Variants in CCDC138 observed in about 807,000 individuals in gnomAD.
CCDC138 encodes coiled-coil domain-containing protein 138.
In CCDC138, 66 loss-of-function variants were observed where a neutral mutation model predicts 82.3. The ratio of observed to expected loss-of-function variants is 0.80; its 90% CI spans 0.66 to 0.98. The LOEUF is 0.98. CCDC138 is among the 50% of genes least tolerant of loss of function. CCDC138 has a pLI of 0.00. For missense variants in CCDC138, 816 were observed against 758.9 expected (o/e 1.08, Z -0.88); for synonymous variants, 297 against 265.4 (o/e 1.12, Z -1.16).
intron 7 of CCDC138, among the ~76,000 whole-genome samples, chr2:108,806,578 T>C (rs1682910276): frequency 6.6e-6 from 1 of 152,160 alleles, no homozygotes; most frequent in African/African-American, 2.4e-5. Flanking sequence ...GGTCTCTCTT[T>C]CAGTGACCCA....
intron 11 of CCDC138, among the ~76,000 whole-genome samples, chr2:108,839,525 ATGTC>A (rs1689111552): frequency 6.6e-6 from 1 of 152,172 alleles, no homozygotes; most frequent in African/African-American, 2.4e-5. Context: ...TGAACATAAA[ATGTC>A]TGTCCACTTA....
intron 11 of CCDC138, among the ~76,000 whole-genome samples, chr2:108,843,107 A>G (rs1047320580): frequency 6.6e-6 from 1 of 151,604 alleles, no homozygotes; most frequent in African/African-American, 2.4e-5. Context: ...CTCTTTCATT[A>G]TATCCTATCT....
chr2:108,811,247 C>CTTTTTTTTTTTTTTTTTTTTTTTTT (rs55661786), intron 7 of CCDC138, among the ~76,000 whole-genome samples: 7 of 113,906 alleles, frequency 6.1e-5, no homozygotes, highest in African/African-American at 1.9e-4. Flanking sequence ...TTCTCTCTCT[C>CTTTTTTTTTTTTTTTTTTTTTTTTT]TTTTTTTTTT....
At chr2:108,796,547 T>C (rs1680933230) in intron 5 of CCDC138, among the ~76,000 whole-genome samples, 1 of 152,204 alleles carries the variant, frequency 6.6e-6, no homozygotes, top group African/African-American at 2.4e-5. Flanking sequence ...ATTGCAGCTC[T>C]GTTCATAATA....
chr2:108,838,943 G>A (rs2150414240), intron 10 of CCDC138, among the ~76,000 whole-genome samples: 1 of 152,174 alleles, frequency 6.6e-6, no homozygotes, highest in Non-Finnish European at 1.5e-5. Context: ...GTATCTTTGT[G>A]TAGGTTAATC....
chr2:108,831,700 T>TCTTC (rs71383803), intron 10 of CCDC138, among the ~76,000 whole-genome samples: 19,249 of 145,068 alleles, frequency 0.13, 1,580 homozygotes, highest in African/African-American at 0.22. Flanking sequence ...TGGCACAGAA[T>TCTTC]CTTCCTTCCT....
chr2:108,839,399 T>C (rs1053162819), intron 11 of CCDC138, 98 bp downstream of exon 11: 2 of 1,017,146 alleles, frequency 2.0e-6, no homozygotes, highest in African/African-American at 3.3e-5. Flanking sequence ...ATTCTCTGTA[T>C]TTCAGAATAA....
intron 13 of CCDC138, among the ~76,000 whole-genome samples, chr2:108,862,226 G>A (rs1054430745): frequency 1.1e-4 from 16 of 151,886 alleles, no homozygotes; most frequent in Non-Finnish European, 1.5e-5. Context: ...AAAAGTTGCT[G>A]CAGAAGAAAT....
chr2:108,865,999 G>A (rs1271385119), intron 13 of CCDC138, among the ~76,000 whole-genome samples: 1 of 152,144 alleles, frequency 6.6e-6, no homozygotes, highest in Non-Finnish European at 1.5e-5. Flanking sequence ...GCTAGGAGCT[G>A]GGGGATTTTG....
chr2:108,821,541 T>G (rs1685702662), intron 10 of CCDC138, among the ~76,000 whole-genome samples: 1 of 152,066 alleles, frequency 6.6e-6, no homozygotes, highest in East Asian at 1.9e-4. Flanking sequence ...AAAGGGAATC[T>G]AAGTGTGTAA....
chr2:108,845,571 ATT>A (rs11345346), intron 11 of CCDC138, among the ~76,000 whole-genome samples: 227 of 111,668 alleles, frequency 2.0e-3, no homozygotes, highest in East Asian at 2.3e-3. Flanking sequence ...CTTTCATTTG[ATT>A]TTTTTTTTTT....
rs748797670 is a variant in CCDC138, at chr2:108,856,955, A to G, written c.1678A>G (p.Met560Val). ...LSNVIDSLLQ[M>V]TVESKSLQPF... ...TAATGTTATTGATAGTTTGCTCCAGATGACGGTGGAATCTAGTAAGTTTTT... is the reference window on the plus strand; with the variant it reads ...TAATGTTATTGATAGTTTGCTCCAGGTGACGGTGGAATCTAGTAAGTTTTT... The change falls in exon 13 of 15, where the codon ATG becomes GTG. Residue 560 changes from methionine (M) to valine (V), a missense_variant. Physicochemically the swap from Met to Val is conservative, Grantham distance 21. Coordinates refer to ENST00000295124, the MANE Select transcript of CCDC138 (RefSeq NM_144978.3). 2 of 1,587,960 alleles carry G rather than the reference A, an allele frequency of 1.3e-6. No individual in the cohort carries two copies. Among genetic ancestry groups the G allele is most frequent in the Admixed American group, 1.8e-5 (1 of 56,764 alleles).
At position 108,809,480 on chromosome 2, in the gene CCDC138, G is replaced by T. The variant is rs113435863; in HGVS notation, c.856-3151G>T. Among the ~76,000 whole-genome samples the T allele has an allele frequency of 7.9e-3, 1,192 of 150,438 alleles. 22 individuals are homozygous for T. The highest frequency in any genetic ancestry group is 0.027 in the African/African-American group (1,089 of 40,012). On this transcript the variant is annotated intron_variant, in intron 7 of 14. Transcript: ENST00000295124. ...TGTGTGTGTGTGTGTGTGTGTGTGT[G>T]TGTGTGTGATCTTCAGTTTCATTCA...
intron 10 of CCDC138, among the ~76,000 whole-genome samples, chr2:108,837,500 A>T (rs1190352767): frequency 1.3e-5 from 2 of 152,210 alleles, no homozygotes; most frequent in African/African-American, 4.8e-5. Context: ...AATGGAGCAA[A>T]GAAAAAAAGA....
At chr2:108,872,847 TAAAC>T (rs1558770627) in intron 13 of CCDC138, among the ~76,000 whole-genome samples, 1 of 152,216 alleles carries the variant, frequency 6.6e-6, no homozygotes, top group Admixed American at 6.5e-5. Context: ...CATGTCCTCA[TAAAC>T]AAAATAATTT....
downstream of CCDC138, among the ~76,000 whole-genome samples, chr2:108,878,818 A>G (rs1271585612): frequency 6.6e-6 from 1 of 152,232 alleles, no homozygotes; most frequent in African/African-American, 2.4e-5. Flanking sequence ...ACATTATCAG[A>G]AAGAGTTGAA....
chr2:108,798,814 C>CACACA (rs1309294189), intron 6 of CCDC138, among the ~76,000 whole-genome samples: 1 of 109,568 alleles, frequency 9.1e-6, no homozygotes, highest in Non-Finnish European at 1.8e-5. Flanking sequence ...CCTCTCCACA[C>CACACA]CTACACACAC....
At position 108,805,026 on chromosome 2, in the gene CCDC138, A is replaced by G. The variant is rs908218458; in HGVS notation, c.855+18A>G. The G allele has an allele frequency of 7.2e-7, 1 of 1,392,590 alleles. No homozygotes were observed. Among genetic ancestry groups the G allele is most frequent in the Admixed American group, 2.5e-5 (1 of 39,472 alleles). The allele number at this position is 1,392,590 out of a possible 1,614,324, so 86.3% of individuals were successfully genotyped here. On this transcript the variant is annotated intron_variant, in intron 7 of 14. Coordinates refer to ENST00000295124, the MANE Select transcript of CCDC138 (RefSeq NM_144978.3). The stretch of plus-strand genomic sequence containing the variant: ...AAAAACAGGTAAGACCTGTTTTAAT[A>G]TATACTGAACATAAGACATTCTAAG...
chr2:108,796,394 G>T (rs1470704803), intron 5 of CCDC138, among the ~76,000 whole-genome samples: 1 of 152,162 alleles, frequency 6.6e-6, no homozygotes, highest in African/African-American at 2.4e-5. Flanking sequence ...AATTTACTTT[G>T]TAAGTACAGC....
Sources: gnomAD v4.1 joint callset for allele counts (sites outside exome capture counted in the v4.1 genomes callset) on GRCh38, gnomAD v4.1.1 for gene constraint, MANE v1.5 for transcripts, NCBI Gene and HGNC (gene_info 2026-07-23, HGNC 2026-07-21) for gene names.